Variants in BMERB1 observed in about 807,000 individuals in gnomAD.
BMERB1 encodes the protein bMERB domain containing 1.
BMERB1 carries 12 observed loss-of-function variants against 23.6 expected under a neutral mutation model. The ratio of observed to expected loss-of-function variants is 0.51; its 90% CI spans 0.33 to 0.82. The LOEUF (loss-of-function observed/expected upper bound fraction) is 0.82, where lower values mean the gene tolerates loss of function less well. BMERB1 is among the 40% of genes least tolerant of loss of function. BMERB1 has a pLI of 0.03. For synonymous variants in BMERB1, 122 were observed against 96.6 expected, an observed-to-expected ratio of 1.26 and a Z score of -1.54; for missense variants, 247 against 255.4, an observed-to-expected ratio of 0.97 and a Z score of 0.22.
chr16:15,586,686 C>T, intron 5 of BMERB1, 31 bp from the exon 6 acceptor site: 2 of 1,538,884 alleles, frequency 1.3e-6, no homozygotes, highest in Non-Finnish European at 1.8e-6. Flanking sequence ...TTCCTTTCTC[C>T]CCCTCTCCCT....
chr16:15,516,579 C>T (rs1027149848), intron 2 of BMERB1, among the ~76,000 whole-genome samples: 2 of 152,066 alleles, frequency 1.3e-5, no homozygotes, highest in African/African-American at 2.4e-5. Flanking sequence ...AAATTCCCTG[C>T]GCTGCCTGTC....
At chr16:15,437,907 G>A (rs1431549727) in intron 1 of BMERB1, among the ~76,000 whole-genome samples, 1 of 151,518 alleles carries the variant, frequency 6.6e-6, no homozygotes, top group Non-Finnish European at 1.5e-5. Flanking sequence ...GCAGTGAGCC[G>A]AGATTGCACC....
At chr16:15,490,065 CG>C (rs1355359053) in intron 1 of BMERB1, among the ~76,000 whole-genome samples, 2 of 152,044 alleles carry the variant, frequency 1.3e-5, no homozygotes, top group Non-Finnish European at 2.9e-5. Context: ...GGAGTTTCAC[CG>C]TATGAGCCAG....
intron 1 of BMERB1, among the ~76,000 whole-genome samples, chr16:15,447,410 C>T (rs1019541589): frequency 3.9e-5 from 6 of 152,070 alleles, no homozygotes; most frequent in African/African-American, 1.4e-4. Context: ...TGGGGGAAAC[C>T]GCCCCCATGA....
intron 1 of BMERB1, among the ~76,000 whole-genome samples, chr16:15,492,662 T>C (rs2051432684): frequency 6.6e-6 from 1 of 152,140 alleles, no homozygotes; most frequent in African/African-American, 2.4e-5. Context: ...CTCACACCTG[T>C]ATTCCCAGCA....
intron 2 of BMERB1, among the ~76,000 whole-genome samples, chr16:15,539,187 T>A (rs759925559): frequency 1.3e-5 from 2 of 151,838 alleles, no homozygotes; most frequent in African/African-American, 2.4e-5. Context: ...TGGGAGAGAG[T>A]GGCAGATCAT....
chr16:15,456,236 A>G (rs1283230370), intron 1 of BMERB1, among the ~76,000 whole-genome samples: 1 of 152,218 alleles, frequency 6.6e-6, no homozygotes, highest in Non-Finnish European at 1.5e-5. Flanking sequence ...TGGATTTTAA[A>G]AAATGAATTG....
intron 1 of BMERB1, among the ~76,000 whole-genome samples, chr16:15,469,692 ATCC>A (rs2051213093): frequency 6.6e-6 from 1 of 152,188 alleles, no homozygotes; most frequent in African/African-American, 2.4e-5. Flanking sequence ...CAGCATACAT[ATCC>A]TCTACATATT....
At chr16:15,538,687 C>T (rs776496308) in intron 2 of BMERB1, among the ~76,000 whole-genome samples, 1 of 152,258 alleles carries the variant, frequency 6.6e-6, no homozygotes, top group Middle Eastern at 3.4e-3. Context: ...AAAGCTTGCC[C>T]AGGGCATCAT....
intron 2 of BMERB1, among the ~76,000 whole-genome samples, chr16:15,563,209 C>CT (rs2030472803): frequency 6.6e-6 from 1 of 152,114 alleles, no homozygotes; most frequent in Non-Finnish European, 1.5e-5. Context: ...TGGTGTAACT[C>CT]TATCTCTATT....
intron 1 of BMERB1, among the ~76,000 whole-genome samples, chr16:15,470,484 C>A (rs1177033565): frequency 6.6e-6 from 1 of 151,884 alleles, no homozygotes; most frequent in South Asian, 2.1e-4. Flanking sequence ...GACGGTAATA[C>A]AAGATTCATA....
chr16:15,498,788 A>T (rs1308791920), intron 1 of BMERB1, among the ~76,000 whole-genome samples: 1 of 152,208 alleles, frequency 6.6e-6, no homozygotes, highest in Non-Finnish European at 1.5e-5. Context: ...CCCAGGGGAT[A>T]CTTGCCAGTG....
chr16:15,435,259 G>T (rs890920603), intron 1 of BMERB1, among the ~76,000 whole-genome samples: 2 of 152,136 alleles, frequency 1.3e-5, no homozygotes, highest in African/African-American at 4.8e-5. Context: ...TTCCTCCCTC[G>T]CCTTCCTTGG....
Position 15,545,060 on chromosome 16 carries a change from C to T in BMERB1, c.231-22923C>T, listed in dbSNP as rs916405087. ...CAATCTCGGCTCACTGCAACCTCTG[C>T]CCCCCGGGTTCAAGCAATTCTCCCG... On this transcript the variant is annotated intron_variant, in intron 2 of 5. Coordinates refer to ENST00000300006, the MANE Select transcript of BMERB1 (RefSeq NM_033201.3). Among the ~76,000 whole-genome samples, 60 of 152,034 alleles carry T rather than the reference C, an allele frequency of 3.9e-4. 1 individual carries two copies. Among genetic ancestry groups the T allele is most frequent in the Admixed American group, 3.9e-3 (60 of 15,270 alleles).
At chr16:15,462,899 A>T (rs1395113780) in intron 1 of BMERB1, among the ~76,000 whole-genome samples, 1 of 152,176 alleles carries the variant, frequency 6.6e-6, no homozygotes, top group African/African-American at 2.4e-5. Context: ...AAGGAAGTCC[A>T]ACGCCACCAG....
chr16:15,543,890 T>C (rs1296769779), intron 2 of BMERB1, among the ~76,000 whole-genome samples: 1 of 152,228 alleles, frequency 6.6e-6, no homozygotes, highest in East Asian at 1.9e-4. Context: ...TCTTTTGTTA[T>C]GATTCTTAAA....
chr16:15,541,228 C>G (rs1011365110), intron 2 of BMERB1, among the ~76,000 whole-genome samples: 2 of 152,042 alleles, frequency 1.3e-5, no homozygotes, highest in African/African-American at 4.8e-5. Flanking sequence ...ATGCATTGGG[C>G]AAGGTGTGGA....
At chr16:15,496,488 A>G (rs1056606171) in intron 1 of BMERB1, among the ~76,000 whole-genome samples, 1 of 152,188 alleles carries the variant, frequency 6.6e-6, no homozygotes, top group Non-Finnish European at 1.5e-5. Flanking sequence ...ACTAGCTATT[A>G]TGAAATGAAC....
intron 1 of BMERB1, among the ~76,000 whole-genome samples, chr16:15,475,415 C>G (rs572502529): frequency 1.3e-5 from 2 of 152,176 alleles, no homozygotes; most frequent in Admixed American, 1.3e-4. Flanking sequence ...GCTAGAGGGA[C>G]TCACAGAACT....
Sources: allele counts gnomAD v4.1 joint callset (sites outside exome capture counted in the v4.1 genomes callset), GRCh38; gene constraint gnomAD v4.1.1; transcripts MANE v1.5; gene names NCBI Gene and HGNC (gene_info 2026-07-23, HGNC 2026-07-21).